PARD3B: variants seen among roughly 807,000 people sequenced by gnomAD.
PARD3B encodes the protein partitioning defective 3 homolog B.
Under a neutral mutation model 130.2 loss-of-function variants are expected in PARD3B, and 103 were observed. That is an observed-to-expected ratio of 0.79 (90% CI 0.67 to 0.93). PARD3B has a LOEUF of 0.93. Among genes scored for constraint, PARD3B ranks in the 40% least tolerant of loss-of-function variants. PARD3B has a pLI of 0.00. For synonymous variants in PARD3B, 583 were observed against 553.2 expected (o/e 1.05, Z -0.76); for missense variants, 1,609 against 1,499.2 (o/e 1.07, Z -1.21).
At chr2:204,831,697 C>CCCG (rs2043827991) in intron 2 of PARD3B, among the ~76,000 whole-genome samples, 1 of 134,718 alleles carries the variant, frequency 7.4e-6, no homozygotes, top group Non-Finnish European at 1.5e-5. Context: ...CAAAACCCTT[C>CCCG]TCGTAGTTGT....
chr2:205,226,172 G>A (rs916737106), intron 15 of PARD3B, among the ~76,000 whole-genome samples: 6 of 152,134 alleles, frequency 3.9e-5, no homozygotes, highest in African/African-American at 1.4e-4. Flanking sequence ...CTCCCGAGTA[G>A]CTGGGACTAC....
chr2:204,634,420 C>G (rs756963526), intron 1 of PARD3B, among the ~76,000 whole-genome samples: 6 of 152,118 alleles, frequency 3.9e-5, no homozygotes, highest in Non-Finnish European at 8.8e-5. Flanking sequence ...GCTTCCAAAT[C>G]TTAGCTATTG....
rs999209748 is a variant in PARD3B at position 204,675,306 on chromosome 2, A to G, written c.121-10875A>G. Among the ~76,000 whole-genome samples the G allele has an allele frequency of 9.2e-5, 14 of 152,084 alleles. No homozygotes were observed. The highest frequency in any genetic ancestry group is 3.4e-4 in the African/African-American group (14 of 41,422). Reference sequence around the variant, plus strand: ...ATTTAATCTGCTTAAGTATATTTGCATCAATTATGCATTAAATATCTTTAA... The same window carrying G: ...ATTTAATCTGCTTAAGTATATTTGCGTCAATTATGCATTAAATATCTTTAA... On this transcript the variant is annotated intron_variant, in intron 1 of 22. Coordinates refer to ENST00000406610, the MANE Select transcript of PARD3B (RefSeq NM_001302769.2). The surrounding 1 kb of genome is among the most constrained non-coding windows in gnomAD (Gnocchi z 4.4).
intron 13 of PARD3B, among the ~76,000 whole-genome samples, chr2:205,180,199 T>A (rs1453326915): frequency 6.6e-6 from 1 of 150,940 alleles, no homozygotes; most frequent in Non-Finnish European, 1.5e-5. Context: ...GCTACCATAC[T>A]AGATTATAAA....
At chr2:205,057,835 C>T (rs1301309553) in intron 4 of PARD3B, among the ~76,000 whole-genome samples, 1 of 150,748 alleles carries the variant, frequency 6.6e-6, no homozygotes, top group East Asian at 1.9e-4. Flanking sequence ...TGATCATTCT[C>T]CACTGCATTC....
At chr2:204,793,402 A>G (rs1439859526) in intron 2 of PARD3B, among the ~76,000 whole-genome samples, 2 of 152,204 alleles carry the variant, frequency 1.3e-5, no homozygotes, top group African/African-American at 4.8e-5. Flanking sequence ...TAATATAAAT[A>G]TATATGCTTG....
intron 4 of PARD3B, among the ~76,000 whole-genome samples, chr2:205,089,235 A>G (rs538128129): frequency 6.9e-6 from 1 of 145,572 alleles, no homozygotes; most frequent in South Asian, 2.2e-4. Flanking sequence ...CGATGGCATG[A>G]TCTTGGCTCA....
At chr2:204,998,077 G>A (rs148875684) in intron 3 of PARD3B, among the ~76,000 whole-genome samples, 3 of 149,228 alleles carry the variant, frequency 2.0e-5, no homozygotes, top group Non-Finnish European at 3.0e-5. Flanking sequence ...ATTCTGTTCA[G>A]TACTGGAGAT....
chr2:205,538,987 A>G (rs1296435685), intron 21 of PARD3B, among the ~76,000 whole-genome samples: 1 of 152,184 alleles, frequency 6.6e-6, no homozygotes, highest in Non-Finnish European at 1.5e-5. Context: ...AATGAGGCTC[A>G]AAAGTTAACT....
At chr2:204,601,584 A>G (rs2033516070) in intron 1 of PARD3B, among the ~76,000 whole-genome samples, 1 of 151,972 alleles carries the variant, frequency 6.6e-6, no homozygotes, top group Non-Finnish European at 1.5e-5. Context: ...TTCATGAATC[A>G]AGAACCAGTG....
intron 1 of PARD3B, among the ~76,000 whole-genome samples, chr2:204,561,582 C>G (rs1488968060): frequency 6.6e-6 from 1 of 151,160 alleles, no homozygotes; most frequent in Non-Finnish European, 1.5e-5. Context: ...CCTATGTACT[C>G]ATCTCCCTTG....
At chr2:204,709,207 T>A (rs746922108) in intron 2 of PARD3B, among the ~76,000 whole-genome samples, 7 of 152,208 alleles carry the variant, frequency 4.6e-5, no homozygotes, top group Non-Finnish European at 7.3e-5. Flanking sequence ...ATTAATTTGA[T>A]ACAAAGTTCT....
intron 3 of PARD3B, among the ~76,000 whole-genome samples, chr2:205,041,088 A>G (rs1164113631): frequency 1.3e-5 from 2 of 152,074 alleles, no homozygotes; most frequent in Non-Finnish European, 2.9e-5. Context: ...CTTTTGCGTT[A>G]TTTTGCATGC....
At chr2:205,179,859 TAAG>T (rs2035690256) in intron 13 of PARD3B, among the ~76,000 whole-genome samples, 1 of 147,320 alleles carries the variant, frequency 6.8e-6, no homozygotes, top group Non-Finnish European at 1.5e-5. Flanking sequence ...AAACAAAAAA[TAAG>T]AAAATCCACT....
intron 18 of PARD3B, among the ~76,000 whole-genome samples, chr2:205,353,387 G>A (rs997453939): frequency 2.6e-5 from 4 of 152,078 alleles, no homozygotes; most frequent in Non-Finnish European, 5.9e-5. Context: ...TATCTACTTA[G>A]CTAATCCCTA....
At chr2:204,952,808 C>A (rs1689885753) in intron 2 of PARD3B, among the ~76,000 whole-genome samples, 2 of 151,828 alleles carry the variant, frequency 1.3e-5, no homozygotes, top group Non-Finnish European at 2.9e-5. Context: ...ACCATCCTGG[C>A]TAACATGGTG....
At chr2:205,222,977 G>A (rs6435277) in intron 15 of PARD3B, among the ~76,000 whole-genome samples, 84,497 of 152,016 alleles carry the variant, frequency 0.56, 23,745 homozygotes, top group Admixed American at 0.65. Context: ...CCATAAATCA[G>A]TGTAGTACAG....
At chr2:205,302,065 C>CTTTTTTT (rs3048088) in intron 18 of PARD3B, among the ~76,000 whole-genome samples, 1,398 of 77,670 alleles carry the variant, frequency 0.018, 20 homozygotes, top group African/African-American at 0.029. Flanking sequence ...TTTTTCTTTT[C>CTTTTTTT]TTTTTTTTTT....
chr2:204,836,266 A>G (rs2044027854), intron 2 of PARD3B, among the ~76,000 whole-genome samples: 1 of 152,188 alleles, frequency 6.6e-6, no homozygotes, highest in Non-Finnish European at 1.5e-5. Context: ...TTTATCTCAG[A>G]AATAAGAATT....
Sources: gnomAD v4.1 joint callset for allele counts (sites outside exome capture counted in the v4.1 genomes callset) on GRCh38, gnomAD v4.1.1 for gene constraint, Gnocchi (gnomAD v3.1) non-coding constraint, MANE v1.5 for transcripts, NCBI Gene and HGNC (gene_info 2026-07-23, HGNC 2026-07-21) for gene names.